The following CRB1 variants were observed in gnomAD, a reference collection of about 807,000 sequenced individuals.
CRB1 encodes the protein protein crumbs homolog 1.
CRB1 carries 83 observed loss-of-function variants against 120.0 expected under a neutral mutation model. That is an observed-to-expected ratio of 0.69 (90% CI 0.58 to 0.83). The LOEUF is 0.83. Ranked by LOEUF, CRB1 falls within the 40% of genes least tolerant of loss-of-function variation. CRB1 has a pLI of 0.00. For synonymous variants in CRB1, 625 were observed against 612.5 expected, an observed-to-expected ratio of 1.02 and a Z score of -0.30; for missense variants, 1,699 against 1,687.6, an observed-to-expected ratio of 1.01 and a Z score of -0.12.
At chr1:197,310,734 A>G (rs540250703) in intron 1 of CRB1, among the ~76,000 whole-genome samples, 2 of 152,270 alleles carry the variant, frequency 1.3e-5, no homozygotes, top group East Asian at 1.9e-4. Context: ...CCTGATAACC[A>G]TATTTGCATA....
chr1:197,417,142 T>A (rs1036848881), intron 5 of CRB1, among the ~76,000 whole-genome samples: 1 of 152,222 alleles, frequency 6.6e-6, no homozygotes, highest in Non-Finnish European at 1.5e-5. Flanking sequence ...AATTGAGGGC[T>A]GGATGCCACA....
intron 11 of CRB1, among the ~76,000 whole-genome samples, chr1:197,459,782 G>A (rs1426517626): frequency 5.3e-5 from 8 of 151,828 alleles, no homozygotes; most frequent in Non-Finnish European, 1.0e-4. Context: ...TTTCATTTTG[G>A]AACTCAAAGC....
intron 4 of CRB1, among the ~76,000 whole-genome samples, chr1:197,354,031 A>C (rs180862027): frequency 3.0e-4 from 45 of 151,074 alleles, no homozygotes; most frequent in Non-Finnish European, 6.0e-4. Flanking sequence ...AAAAAAAAAA[A>C]AAAACACCCC....
intron 11 of CRB1, chr1:197,477,438 C>G: frequency 3.2e-6 from 2 of 628,570 alleles, no homozygotes; most frequent in Non-Finnish European, 6.0e-6. Context: ...GTAGGTATTT[C>G]ATGCCATATT....
chr1:197,362,820 T>G (rs1660844860), intron 5 of CRB1, among the ~76,000 whole-genome samples: 1 of 152,178 alleles, frequency 6.6e-6, no homozygotes, highest in Non-Finnish European at 1.5e-5. Context: ...GGGTCATGCT[T>G]TTTTAATTCA....
chr1:197,228,602 C>T, the CRB1 span, among the ~76,000 whole-genome samples: 1 of 152,192 alleles, frequency 6.6e-6, no homozygotes, highest in East Asian at 1.9e-4. Context: ...TGGGAAGTTC[C>T]AAACTTTCCC....
intron 5 of CRB1, among the ~76,000 whole-genome samples, chr1:197,384,344 T>C (rs1662106800): frequency 6.6e-6 from 1 of 152,152 alleles, no homozygotes; most frequent in Non-Finnish European, 1.5e-5. Flanking sequence ...TGCTATTACC[T>C]GGAAAGAATG....
At chr1:197,362,738 A>ATT (rs1345787567) in intron 5 of CRB1, among the ~76,000 whole-genome samples, 1 of 152,014 alleles carries the variant, frequency 6.6e-6, no homozygotes, top group Non-Finnish European at 1.5e-5. Flanking sequence ...CCACCCTTAT[A>ATT]TTTCCAACCC....
At chr1:197,448,758 A>G (rs530500487) in intron 11 of CRB1, among the ~76,000 whole-genome samples, 31 of 152,114 alleles carry the variant, frequency 2.0e-4, no homozygotes, top group African/African-American at 6.5e-4. Context: ...CTTTTTTGCT[A>G]TTTTGTACTT....
At chr1:197,207,637 T>C in the CRB1 span, among the ~76,000 whole-genome samples, 2 of 152,200 alleles carry the variant, frequency 1.3e-5, no homozygotes, top group Admixed American at 6.5e-5. Context: ...TTTTGCCTCA[T>C]GGCTCTTAAG....
intron 4 of CRB1, among the ~76,000 whole-genome samples, chr1:197,356,441 T>C (rs1261572668): frequency 6.6e-6 from 1 of 152,220 alleles, no homozygotes; most frequent in Admixed American, 6.5e-5. Flanking sequence ...TTTAAGAGAA[T>C]TTAGTTTGGT....
intron 8 of CRB1, among the ~76,000 whole-genome samples, chr1:197,432,998 G>A (rs1205891358): frequency 6.6e-6 from 1 of 151,720 alleles, no homozygotes; most frequent in Non-Finnish European, 1.5e-5. Flanking sequence ...GAATTGGAGA[G>A]TTAATCAGGG....
intron 1 of CRB1, among the ~76,000 whole-genome samples, chr1:197,275,782 T>C (rs1655175526): frequency 1.3e-5 from 2 of 152,150 alleles, no homozygotes; most frequent in South Asian, 4.1e-4. Context: ...ACTGCATTCA[T>C]TACTTGGGGC....
intron 5 of CRB1, among the ~76,000 whole-genome samples, chr1:197,406,818 A>T (rs1388635680): frequency 6.6e-6 from 1 of 152,200 alleles, no homozygotes; most frequent in South Asian, 2.1e-4. Context: ...TTTGCCGAAT[A>T]GAGCACTTTA....
At chr1:197,459,777 T>C (rs1435240796) in intron 11 of CRB1, among the ~76,000 whole-genome samples, 1 of 152,148 alleles carries the variant, frequency 6.6e-6, no homozygotes, top group Non-Finnish European at 1.5e-5. Context: ...AATTCTTTCA[T>C]TTTGGAACTC....
chr1:197,407,247 T>C (rs952304621), intron 5 of CRB1, among the ~76,000 whole-genome samples: 1 of 152,250 alleles, frequency 6.6e-6, no homozygotes, highest in Non-Finnish European at 1.5e-5. Flanking sequence ...AAGGACATAA[T>C]GAAATCTACT....
intron 5 of CRB1, among the ~76,000 whole-genome samples, chr1:197,385,283 T>C (rs1444008423): frequency 6.6e-6 from 1 of 152,188 alleles, no homozygotes; most frequent in Non-Finnish European, 1.5e-5. Context: ...TAAAAAGTAG[T>C]TGAGAATTGC....
chr1:197,250,106 ATTAG>A, the CRB1 span, among the ~76,000 whole-genome samples: 1 of 152,120 alleles, frequency 6.6e-6, no homozygotes, highest in East Asian at 1.9e-4. Flanking sequence ...ATGTTTTATT[ATTAG>A]TTGAGAAAGT....
At chr1:197,378,062 C>G (rs1014957201) in intron 5 of CRB1, among the ~76,000 whole-genome samples, 2 of 152,150 alleles carry the variant, frequency 1.3e-5, no homozygotes, top group African/African-American at 4.8e-5. Flanking sequence ...TAAGACAGAG[C>G]CACAAGGTTT....
Sources: gnomAD v4.1 joint callset for allele counts (sites outside exome capture counted in the v4.1 genomes callset) on GRCh38, gnomAD v4.1.1 for gene constraint, MANE v1.5 for transcripts, NCBI Gene and HGNC (gene_info 2026-07-23, HGNC 2026-07-21) for gene names.